Variants in ADK observed in about 807,000 individuals in gnomAD.
The protein encoded by ADK is N6,N6-dimethyladenosine kinase.
In ADK, 24 loss-of-function variants were observed where a neutral mutation model predicts 44.7. The observed-to-expected ratio is 0.54, with a 90% CI of 0.39 to 0.76. The LOEUF (loss-of-function observed/expected upper bound fraction) is 0.76, where lower values mean the gene tolerates loss of function less well. ADK is among the 30% of genes least tolerant of loss of function. The pLI is 0.00. For missense variants in ADK, 321 were observed against 425.1 expected (o/e 0.76, Z 2.15); for synonymous variants, 128 against 142.6 (o/e 0.90, Z 0.73).
intron 3 of ADK, among the ~76,000 whole-genome samples, chr10:74,303,588 GTT>G (rs1185036462): frequency 1.6e-4 from 11 of 68,578 alleles, no homozygotes; most frequent in African/African-American, 7.1e-4. Context: ...TTTTAATGTT[GTT>G]TTTTTTTTTT....
chr10:74,404,089 G>T (rs1480661852), intron 6 of ADK, among the ~76,000 whole-genome samples: 1 of 151,266 alleles, frequency 6.6e-6, no homozygotes, highest in East Asian at 1.9e-4. Context: ...AGCCAGGATG[G>T]TCTCGATCTC....
chr10:74,549,800 G>A (rs1342469988), intron 7 of ADK, among the ~76,000 whole-genome samples: 1 of 152,130 alleles, frequency 6.6e-6, no homozygotes, highest in Non-Finnish European at 1.5e-5. Flanking sequence ...ATTGTTTCAT[G>A]TATGTAAAAT....
At chr10:74,189,165 A>C (rs935311934) in intron 1 of ADK, among the ~76,000 whole-genome samples, 1 of 152,100 alleles carries the variant, frequency 6.6e-6, no homozygotes, top group Non-Finnish European at 1.5e-5. Context: ...TGCAGCATAC[A>C]ATTTCGATGT....
chr10:74,169,838 A>G (rs1842115491), intron 1 of ADK, among the ~76,000 whole-genome samples: 1 of 152,240 alleles, frequency 6.6e-6, no homozygotes. Flanking sequence ...AGATACAAGT[A>G]TGCACAAGTA....
At position 74,162,852 on chromosome 10, in the gene ADK, G is replaced by A. The variant is rs1404930067; in HGVS notation, c.65+11509G>A. 2.6e-5 allele frequency among the ~76,000 whole-genome samples: 4 copies of A among 151,938 alleles called. No individual in the cohort carries two copies. The East Asian group carries it at 5.8e-4, about 22-fold the overall frequency. On this transcript the variant is annotated intron_variant, in intron 1 of 10. Transcript: ENST00000539909. The stretch of plus-strand genomic sequence containing the variant: ...GCTACCACGCCTGTCCCCAGTTTGC[G>A]TTTCTGTTCTTTCTGGTGACCATAG...
At position 74,186,382 on chromosome 10, in the gene ADK, C is replaced by T. The variant is rs895880776; in HGVS notation, c.66-14382C>T. Among the ~76,000 whole-genome samples, 7 of 152,028 alleles carry T rather than the reference C, an allele frequency of 4.6e-5. 1 individual carries two copies. The highest frequency in any genetic ancestry group is 1.0e-4 in the Non-Finnish European group (7 of 68,000). The stretch of plus-strand genomic sequence containing the variant: ...GCAACCTTGACCTCCCCAGCCCAAG[C>T]CATCTACTTGCCTCAGTCCCCCAAG... On this transcript the variant is annotated intron_variant, in intron 1 of 10. Coordinates refer to ENST00000539909, the MANE Select transcript of ADK (RefSeq NM_006721.4).
chr10:74,466,198 G>T (rs1411431228), intron 6 of ADK, among the ~76,000 whole-genome samples: 1 of 152,104 alleles, frequency 6.6e-6, no homozygotes, highest in Non-Finnish European at 1.5e-5. Context: ...AATGGAAGCA[G>T]CTGGTTTCCT....
chr10:74,406,566 A>C lies in ADK; in HGVS notation c.555+7987A>C, dbSNP rs1032732496. ...GAAGAAGAAGAAGAAGAAGAAGAAG[A>C]AGCCACTTGTAGTTGACCCATGTCT... On this transcript the variant is annotated intron_variant, in intron 6 of 10. Coordinates refer to ENST00000539909, the MANE Select transcript of ADK (RefSeq NM_006721.4). 1.5e-4 allele frequency among the ~76,000 whole-genome samples: 21 copies of C among 144,126 alleles called. No individual in the cohort carries two copies. In the East Asian group the frequency reaches 3.6e-3, roughly 25 times the overall value. The allele number at this position is 144,126 out of a possible 152,430, so 94.6% of individuals were successfully genotyped here.
rs1268732304 is a variant in ADK, at chr10:74,206,199, C to G, written c.140+5361C>G. Among the ~76,000 whole-genome samples, 3 of 152,116 alleles carry G rather than the reference C, an allele frequency of 2.0e-5. No individual in the cohort carries two copies. The East Asian group carries it at 5.8e-4, about 29-fold the overall frequency. Reference sequence around the variant, plus strand: ...TCAAAAGTAAAATAAAGTATAGAGACAAACCCATAAATGTAGAACATTTTA... The same window carrying G: ...TCAAAAGTAAAATAAAGTATAGAGAGAAACCCATAAATGTAGAACATTTTA... On this transcript the variant is annotated intron_variant, in intron 2 of 10. Transcript: ENST00000539909.
chr10:74,340,607 T>G (rs1841551882), intron 4 of ADK, among the ~76,000 whole-genome samples: 1 of 152,154 alleles, frequency 6.6e-6, no homozygotes, highest in African/African-American at 2.4e-5. Flanking sequence ...TATTATGTGT[T>G]TATATATTGA....
At chr10:74,673,317 G>C (rs1855251166) in intron 10 of ADK, among the ~76,000 whole-genome samples, 1 of 152,204 alleles carries the variant, frequency 6.6e-6, no homozygotes, top group South Asian at 2.1e-4. Flanking sequence ...CCAAATAAGA[G>C]AGTTATATGA....
At chr10:74,220,025 A>C in intron 2 of ADK, among the ~76,000 whole-genome samples, 1 of 151,214 alleles carries the variant, frequency 6.6e-6, no homozygotes, top group East Asian at 1.9e-4. Flanking sequence ...AAATCAGAGC[A>C]GAACTGAAGG....
chr10:74,550,883 G>T (rs185961544), intron 7 of ADK, among the ~76,000 whole-genome samples: 21 of 152,106 alleles, frequency 1.4e-4, no homozygotes, highest in Non-Finnish European at 2.6e-4. Flanking sequence ...ACAAGGTCTC[G>T]CTATGTTGCA....
At chr10:74,641,204 C>A (rs921586608) in intron 9 of ADK, among the ~76,000 whole-genome samples, 1 of 152,006 alleles carries the variant, frequency 6.6e-6, no homozygotes, top group African/African-American at 2.4e-5. Context: ...GGCTGTGGAC[C>A]CTTTACTATT....
At chr10:74,429,278 T>C (rs1844899882) in intron 6 of ADK, among the ~76,000 whole-genome samples, 3 of 152,222 alleles carry the variant, frequency 2.0e-5, no homozygotes, top group Non-Finnish European at 4.4e-5. Context: ...GTGCTAATTA[T>C]GAAATGCATT....
chr10:74,386,521 A>G (rs2132022225), intron 4 of ADK, among the ~76,000 whole-genome samples: 1 of 152,294 alleles, frequency 6.6e-6, no homozygotes, highest in South Asian at 2.1e-4. Flanking sequence ...TTAATATGCC[A>G]TTTATTTAGG....
chr10:74,481,420 G>C (rs1847068103), intron 6 of ADK, among the ~76,000 whole-genome samples: 1 of 151,972 alleles, frequency 6.6e-6, no homozygotes, highest in Non-Finnish European at 1.5e-5. Context: ...GCTTTACACA[G>C]TCCTGACCTC....
chr10:74,301,862 G>A (rs1016217006), intron 3 of ADK, among the ~76,000 whole-genome samples: 1 of 151,736 alleles, frequency 6.6e-6, no homozygotes, highest in Non-Finnish European at 1.5e-5. Context: ...CTTGCATTTC[G>A]AAAATACTAA....
At chr10:74,554,491 A>G (rs562746094) in intron 7 of ADK, among the ~76,000 whole-genome samples, 2 of 152,254 alleles carry the variant, frequency 1.3e-5, no homozygotes, top group African/African-American at 4.8e-5. Flanking sequence ...CCAATACAAT[A>G]TTTTCTAAAT....
Sources: gnomAD v4.1 joint callset for allele counts (sites outside exome capture counted in the v4.1 genomes callset) on GRCh38, gnomAD v4.1.1 for gene constraint, MANE v1.5 for transcripts, NCBI Gene and HGNC (gene_info 2026-07-23, HGNC 2026-07-21) for gene names.